The following EVI5 variants were observed in gnomAD, a reference collection of about 807,000 sequenced individuals.
The protein encoded by EVI5 is ecotropic viral integration site 5 protein homolog.
EVI5 carries 73 observed loss-of-function variants against 112.0 expected under a neutral mutation model. The ratio of observed to expected loss-of-function variants is 0.65; its 90% CI spans 0.54 to 0.79. EVI5 has a LOEUF of 0.79. EVI5 is among the 30% of genes least tolerant of loss of function. EVI5 has a pLI of 0.00. For missense variants in EVI5, 900 were observed against 968.8 expected, an observed-to-expected ratio of 0.93 and a Z score of 0.94; for synonymous variants, 305 against 319.9, an observed-to-expected ratio of 0.95 and a Z score of 0.50.
chr1:92,647,154 C>T (rs1347188116), intron 13 of EVI5: 1 of 162,276 alleles, frequency 6.2e-6, no homozygotes, highest in East Asian at 1.7e-4. Context: ...TTGCACCAGA[C>T]TTGCCGTTAG....
At chr1:92,699,823 C>T (rs1437606435) in intron 5 of EVI5, among the ~76,000 whole-genome samples, 2 of 152,136 alleles carry the variant, frequency 1.3e-5, no homozygotes, top group Non-Finnish European at 2.9e-5. Flanking sequence ...TGCAGTCCAC[C>T]GTTGACCAAA....
At chr1:92,554,789 T>G (rs1667441264) in intron 19 of EVI5, among the ~76,000 whole-genome samples, 2 of 152,082 alleles carry the variant, frequency 1.3e-5, no homozygotes, top group South Asian at 4.1e-4. Context: ...GGCAACACAG[T>G]GAGACCCTGT....
At chr1:92,667,861 C>T (rs942590752) in intron 10 of EVI5, among the ~76,000 whole-genome samples, 2 of 152,124 alleles carry the variant, frequency 1.3e-5, no homozygotes, top group African/African-American at 4.8e-5. Flanking sequence ...ATGATCCGCC[C>T]GCCTCAGCCT....
At position 92,557,157 on chromosome 1, in the gene EVI5, A is replaced by G. The variant is rs189265556; in HGVS notation, c.2166+6485T>C. On this transcript the variant is annotated intron_variant, in intron 19 of 19. Transcript: ENST00000684568. ...AAGACCTTCTGGGTAGTAGAAACCA[A>G]TACAATGATTATTCCTACAAAGTAA... Among the ~76,000 whole-genome samples the G allele has an allele frequency of 9.7e-4, 148 of 152,338 alleles. 1 individual carries two copies. The highest frequency in any genetic ancestry group is 3.3e-3 in the African/African-American group (139 of 41,574).
At chr1:92,739,880 T>C (rs936887436) in intron 1 of EVI5, among the ~76,000 whole-genome samples, 1 of 151,484 alleles carries the variant, frequency 6.6e-6, no homozygotes, top group Non-Finnish European at 1.5e-5. Flanking sequence ...AGGGTACTAT[T>C]GTGGGTAAAG....
At chr1:92,575,032 A>G (rs767088441) in intron 18 of EVI5, among the ~76,000 whole-genome samples, 1 of 152,218 alleles carries the variant, frequency 6.6e-6, no homozygotes, top group African/African-American at 2.4e-5. Flanking sequence ...TATCAGATGC[A>G]TAACTGAAGT....
At chr1:92,678,068 G>C (rs1667024180) in intron 9 of EVI5, among the ~76,000 whole-genome samples, 1 of 152,142 alleles carries the variant, frequency 6.6e-6, no homozygotes. Context: ...AAGGCAGGGA[G>C]GGGGACAAGG....
chr1:92,715,488 G>A (rs548904537), intron 2 of EVI5, among the ~76,000 whole-genome samples: 3 of 152,242 alleles, frequency 2.0e-5, no homozygotes, highest in African/African-American at 4.8e-5. Context: ...GTAAGGAGGC[G>A]TGTTCCAAGA....
chr1:92,584,265 C>CA (rs1672430357), intron 18 of EVI5, among the ~76,000 whole-genome samples: 1 of 149,320 alleles, frequency 6.7e-6, no homozygotes, highest in East Asian at 1.9e-4. Context: ...TTAAATAATG[C>CA]TTTTTTTTTT....
intron 14 of EVI5, among the ~76,000 whole-genome samples, chr1:92,630,574 C>G (rs567288614): frequency 1.1e-4 from 16 of 147,258 alleles, no homozygotes; most frequent in East Asian, 4.0e-4. Context: ...ATTAGCCCTT[C>G]GTCAGATAAG....
chr1:92,718,009 T>C (rs911935073), intron 2 of EVI5, among the ~76,000 whole-genome samples: 3 of 152,132 alleles, frequency 2.0e-5, no homozygotes, highest in African/African-American at 4.8e-5. Context: ...CCTAAATATA[T>C]ATGCACCCAA....
At chr1:92,594,727 A>G (rs1226375233) in intron 18 of EVI5, among the ~76,000 whole-genome samples, 5 of 150,280 alleles carry the variant, frequency 3.3e-5, no homozygotes, top group Non-Finnish European at 7.4e-5. Context: ...CAAGAAAAAA[A>G]CAAACAACCC....
chr1:92,735,565 G>T (rs1315839939), intron 2 of EVI5, among the ~76,000 whole-genome samples: 1 of 146,926 alleles, frequency 6.8e-6, no homozygotes, highest in Admixed American at 6.9e-5. Context: ...GCACAAAAGG[G>T]TGCTCTTCCA....
chr1:92,564,692 T>A (rs914541369), intron 18 of EVI5, among the ~76,000 whole-genome samples: 3 of 151,704 alleles, frequency 2.0e-5, no homozygotes, highest in African/African-American at 7.3e-5. Flanking sequence ...ATTTTTTTTT[T>A]TTTTTTTGAG....
chr1:92,646,390 C>T (rs1179776232), intron 13 of EVI5, among the ~76,000 whole-genome samples: 1 of 152,100 alleles, frequency 6.6e-6, no homozygotes, highest in African/African-American at 2.4e-5. Flanking sequence ...AAAAAAATCC[C>T]AACACTTCTC....
At chr1:92,534,722 C>A (rs945096804) in intron 19 of EVI5, among the ~76,000 whole-genome samples, 1 of 152,034 alleles carries the variant, frequency 6.6e-6, no homozygotes, top group Non-Finnish European at 1.5e-5. Context: ...CTAGCCATAT[C>A]CAGAAAGCTG....
Position 92,535,093 on chromosome 1 carries a change from C to T in EVI5, c.2167-21123G>A, listed in dbSNP as rs187616492. On this transcript the variant is annotated intron_variant, in intron 19 of 19. Coordinates refer to ENST00000684568, the MANE Select transcript of EVI5 (RefSeq NM_001350197.2). ...AAACAAATTTACAAGAAAAAAAAAC[C>T]CATCAAAAAGTGGACGAAGGATATG... 3.8e-3 allele frequency among the ~76,000 whole-genome samples: 578 copies of T among 151,636 alleles called. 3 individuals are homozygous for T. The highest frequency in any genetic ancestry group is 0.013 in the African/African-American group (546 of 41,392).
At chr1:92,525,992 G>A (rs1450607904) in intron 19 of EVI5, among the ~76,000 whole-genome samples, 1 of 152,148 alleles carries the variant, frequency 6.6e-6, no homozygotes, top group Non-Finnish European at 1.5e-5. Context: ...TGTTTCTTAA[G>A]GGCAGGCCCT....
chr1:92,715,417 T>G (rs374986962), intron 2 of EVI5, among the ~76,000 whole-genome samples: 27 of 152,164 alleles, frequency 1.8e-4, no homozygotes, highest in African/African-American at 9.7e-5. Context: ...AAACTTCTGC[T>G]CCTTTTATTT....
Sources: allele counts gnomAD v4.1 joint callset (sites outside exome capture counted in the v4.1 genomes callset), GRCh38; gene constraint gnomAD v4.1.1; transcripts MANE v1.5; gene names NCBI Gene and HGNC (gene_info 2026-07-23, HGNC 2026-07-21).